Variants in TJP1 observed in about 807,000 individuals in gnomAD.
The protein encoded by TJP1 is tight junction protein 1.
In TJP1, 43 loss-of-function variants were observed where a neutral mutation model predicts 194.2. That is an observed-to-expected ratio of 0.22 (90% CI 0.17 to 0.29). The LOEUF (loss-of-function observed/expected upper bound fraction) is 0.29. TJP1 is among the 10% of genes least tolerant of loss of function. The pLI, the probability that TJP1 is intolerant of heterozygous loss-of-function variation, is 1.00. For missense variants in TJP1, 1,971 were observed against 2,185.7 expected, an observed-to-expected ratio of 0.90 and a Z score of 1.96; for synonymous variants, 801 against 779.0, an observed-to-expected ratio of 1.03 and a Z score of -0.47.
At chr15:29,790,402 TTTAA>T (rs1243160344) in intron 2 of TJP1, among the ~76,000 whole-genome samples, 3 of 151,838 alleles carry the variant, frequency 2.0e-5, no homozygotes, top group African/African-American at 7.3e-5. Flanking sequence ...TGTTTTTATT[TTTAA>T]TTATTATAGT....
intron 2 of TJP1, among the ~76,000 whole-genome samples, chr15:29,884,867 C>A (rs2053062304): frequency 2.0e-5 from 3 of 152,130 alleles, no homozygotes; most frequent in Admixed American, 1.3e-4. Flanking sequence ...GTTCAGATGA[C>A]CCAGATGACT....
chr15:29,814,049 T>A (rs1197572729), intron 1 of TJP1, among the ~76,000 whole-genome samples: 1 of 152,206 alleles, frequency 6.6e-6, no homozygotes, highest in African/African-American at 2.4e-5. Context: ...TCTTAATGTC[T>A]CCCTCCTATT....
At chr15:29,754,098 T>C (rs188488565) in intron 8 of TJP1, among the ~76,000 whole-genome samples, 28 of 152,310 alleles carry the variant, frequency 1.8e-4, no homozygotes, top group African/African-American at 5.5e-4. Flanking sequence ...TGCAGCACTA[T>C]TCACAATAGC....
At chr15:29,935,605 A>C (rs1034331892) in intron 2 of TJP1, among the ~76,000 whole-genome samples, 1 of 152,202 alleles carries the variant, frequency 6.6e-6, no homozygotes, top group Middle Eastern at 3.4e-3. Context: ...CCTATAGCAC[A>C]ATCCCAAAAC....
At chr15:29,860,973 T>A (rs2052059841) in intron 2 of TJP1, among the ~76,000 whole-genome samples, 1 of 152,228 alleles carries the variant, frequency 6.6e-6, no homozygotes, top group Non-Finnish European at 1.5e-5. Context: ...AACTTTTATA[T>A]AGACTGAGAA....
At position 29,718,703 on chromosome 15, in the gene TJP1, C is replaced by T. The variant is rs533517643; in HGVS notation, c.3439G>A (p.Glu1147Lys). The T allele has an allele frequency of 1.9e-5, 31 of 1,614,134 alleles. No individual in the cohort carries two copies. The highest frequency in any genetic ancestry group is 1.6e-4 in the Middle Eastern group (1 of 6,062). Reference protein sequence around the residue: ...PLSYDSRPRYEQAPRASALRH... With the variant: ...PLSYDSRPRYKQAPRASALRH... ...AGGGCGGATGCTCTAGGTGCCTGTTCGTAACGTGGTCTGCTGTCGTAAGAC... is the reference window on the plus strand; with the variant it reads ...AGGGCGGATGCTCTAGGTGCCTGTTTGTAACGTGGTCTGCTGTCGTAAGAC... Residue 1147 changes from glutamate to lysine, a missense_variant, in exon 21 of 28, where the codon GAA becomes AAA. Physicochemically the swap from Glu to Lys is moderately conservative, Grantham distance 56. Transcript: ENST00000614355.
At chr15:29,893,581 G>A (rs1198049642) in intron 2 of TJP1, among the ~76,000 whole-genome samples, 1 of 152,180 alleles carries the variant, frequency 6.6e-6, no homozygotes, top group African/African-American at 2.4e-5. Context: ...TCAGCCAGCA[G>A]CCAACAACCT....
At chr15:29,967,107 G>A (rs775430519) in intron 1 of TJP1, among the ~76,000 whole-genome samples, 5 of 151,428 alleles carry the variant, frequency 3.3e-5, no homozygotes, top group Non-Finnish European at 7.4e-5. Context: ...TCTGCCTCCC[G>A]GGTTCAAGCG....
intron 1 of TJP1, among the ~76,000 whole-genome samples, chr15:29,964,955 C>A (rs558738074): frequency 6.6e-6 from 1 of 152,216 alleles, no homozygotes. Context: ...ATTCTCCTTA[C>A]GAGATTTGTA....
At chr15:29,708,109 T>G (rs565457270) in intron 25 of TJP1, among the ~76,000 whole-genome samples, 2 of 151,538 alleles carry the variant, frequency 1.3e-5, no homozygotes, top group East Asian at 3.9e-4. Flanking sequence ...GGCAGGAGAA[T>G]TGCCTGAACC....
intron 2 of TJP1, among the ~76,000 whole-genome samples, chr15:29,928,895 T>C (rs1447854551): frequency 6.6e-6 from 1 of 151,798 alleles, no homozygotes; most frequent in Admixed American, 6.6e-5. Context: ...TGAGCCGAGA[T>C]CTCGCCATTG....
chr15:29,956,307 T>G (rs1365581362), exon 2 of TJP1: 1 of 1,288,856 alleles, frequency 7.8e-7, no homozygotes, highest in Non-Finnish European at 1.0e-6. Context: ...TTAAAGAGGG[T>G]TTTCCTTGGC....
chr15:29,710,414 G>C (rs2042168315), intron 24 of TJP1, among the ~76,000 whole-genome samples: 1 of 152,172 alleles, frequency 6.6e-6, no homozygotes, highest in African/African-American at 2.4e-5. Flanking sequence ...ATGTTACAAA[G>C]CTCTTAAGAT....
chr15:29,822,037 T>C lies in TJP1; in HGVS notation c.-9A>G. The C allele has an allele frequency of 7.5e-7, 1 of 1,326,042 alleles. No individual in the cohort carries two copies. Among genetic ancestry groups the C allele is most frequent in the Non-Finnish European group, 9.7e-7 (1 of 1,036,242 alleles). 82.1% of individuals were successfully genotyped at this position (1,326,042 alleles called of 1,614,324 possible). A position where few individuals can be genotyped will look rare whatever the true frequency, so the allele number is the denominator to read the frequency against. On this transcript the variant is annotated 5_prime_UTR_variant, in exon 1 of 28. Coordinates refer to ENST00000614355, the MANE Select transcript of TJP1 (RefSeq NM_001330239.4). Reference sequence around the variant, plus strand: ...GCAGCTCTGGCGGACATCTTGTCTCTCTCCAGCGCCGCGCGAGGCTCCTCG... The same window carrying C: ...GCAGCTCTGGCGGACATCTTGTCTCCCTCCAGCGCCGCGCGAGGCTCCTCG...
At chr15:29,911,877 A>G (rs2054025589) in intron 2 of TJP1, among the ~76,000 whole-genome samples, 1 of 152,236 alleles carries the variant, frequency 6.6e-6, no homozygotes, top group Admixed American at 6.5e-5. Flanking sequence ...ACCAGGCTTT[A>G]TCTATGTTAG....
At chr15:29,821,832 TCCCCGCGGCCCGCGGCCCGCGGCCCGCGG>T (rs1053970689) in intron 1 of TJP1, among the ~76,000 whole-genome samples, 141 bp downstream of exon 1, 10 of 142,172 alleles carry the variant, frequency 7.0e-5, no homozygotes, top group South Asian at 2.2e-4. Flanking sequence ...CCCGAGGGGC[TCCCCGCGGCCCGCGGCCCGCGGCCCGCGG>T]CCCCGCGCCA....
intron 2 of TJP1, among the ~76,000 whole-genome samples, chr15:29,945,178 G>T (rs1390736531): frequency 6.6e-6 from 1 of 152,304 alleles, no homozygotes; most frequent in East Asian, 1.9e-4. Context: ...CAAGGGCCAG[G>T]TCAAAATGTC....
intron 2 of TJP1, among the ~76,000 whole-genome samples, chr15:29,847,101 C>T (rs2051441829): frequency 6.6e-6 from 1 of 151,956 alleles, no homozygotes; most frequent in Non-Finnish European, 1.5e-5. Flanking sequence ...CTTTTGTTTA[C>T]TTGTTTATTT....
chr15:29,800,942 T>C (rs2048741489), intron 1 of TJP1, among the ~76,000 whole-genome samples: 1 of 152,242 alleles, frequency 6.6e-6, no homozygotes. Context: ...TCTATATTCA[T>C]TTCATGCAAG....
Sources: allele counts gnomAD v4.1 joint callset (sites outside exome capture counted in the v4.1 genomes callset), GRCh38; gene constraint gnomAD v4.1.1; transcripts MANE v1.5; gene names NCBI Gene and HGNC (gene_info 2026-07-23, HGNC 2026-07-21).